Variants in CDH16 observed in about 807,000 individuals in gnomAD.
The protein encoded by CDH16 is cadherin-16.
CDH16 carries 79 observed loss-of-function variants against 87.6 expected under a neutral mutation model. That is an observed-to-expected ratio of 0.90 (90% CI 0.75 to 1.09). The LOEUF (loss-of-function observed/expected upper bound fraction) is 1.09. CDH16 is among the 50% of genes least tolerant of loss of function. The pLI, the probability that CDH16 is intolerant of heterozygous loss-of-function variation, is 0.00. For synonymous variants in CDH16, 457 were observed against 439.5 expected, an observed-to-expected ratio of 1.04 and a Z score of -0.50; for missense variants, 1,124 against 1,071.7, an observed-to-expected ratio of 1.05 and a Z score of -0.68.
rs1567535021 is a variant in CDH16, at chr16:66,914,366, CA to C, written c.629del (p.Leu210TrpfsTer25). ...DHALERTYQL[L>X]VQVKDMGDQA... Reference sequence around the variant, plus strand: ...GGTCACCCATGTCCTTGACCTGTACCAACAGCTGGTAGGTCCTCTCCAGGGC... The same window carrying C: ...GGTCACCCATGTCCTTGACCTGTACCACAGCTGGTAGGTCCTCTCCAGGGC... On this transcript the variant is annotated frameshift_variant, in exon 7 of 18. Transcript: ENST00000299752. LOFTEE classifies it high-confidence loss of function. 1 of 1,614,194 alleles carries C rather than the reference CA, an allele frequency of 6.2e-7. No homozygotes were observed. The highest frequency in any genetic ancestry group is 2.2e-5 in the East Asian group (1 of 44,892).
intron 3 of CDH16, among the ~76,000 whole-genome samples, chr16:66,917,387 G>T (rs1567537466): frequency 6.6e-6 from 1 of 152,024 alleles, no homozygotes; most frequent in East Asian, 1.9e-4. Context: ...CTAGATTTGG[G>T]TTCCATTCCC....
At chr16:66,910,609 C>T (rs768117907) in intron 14 of CDH16, 107 bp from the exon 15 acceptor site, 3 of 1,172,602 alleles carry the variant, frequency 2.6e-6, no homozygotes, top group African/African-American at 1.6e-5. Context: ...TATAGACTCC[C>T]CTGCCATGCT....
At chr16:66,917,413 T>G (rs1347899539) in intron 3 of CDH16, among the ~76,000 whole-genome samples, 1 of 152,110 alleles carries the variant, frequency 6.6e-6, no homozygotes, top group Non-Finnish European at 1.5e-5. Context: ...TATCTCATGA[T>G]ATATATGCAA....
intron 1 of CDH16, 147 bp from the exon 2 acceptor site, chr16:66,918,225 G>T: frequency 1.8e-6 from 1 of 552,358 alleles, no homozygotes; most frequent in Non-Finnish European, 3.1e-6. Flanking sequence ...CTGCAGGGTA[G>T]TGCCCTGCTC....
At chr16:66,917,809 C>T (rs1030656148) in intron 2 of CDH16, 84 bp from the exon 3 acceptor site, 3 of 1,251,630 alleles carry the variant, frequency 2.4e-6, no homozygotes, top group Non-Finnish European at 3.4e-6. Flanking sequence ...AATTTCCGCC[C>T]CTTCCCAGGG....
chr16:66,915,157 CA>C, intron 6 of CDH16, 62 bp downstream of exon 6: 1 of 1,475,982 alleles, frequency 6.8e-7, no homozygotes, highest in Non-Finnish European at 9.1e-7. Flanking sequence ...TCTTATGGTT[CA>C]GATACCACCT....
rs199669162 is a variant in CDH16, at chr16:66,911,885, G to A, written c.1790+14C>T. The A allele has an allele frequency of 1.6e-5, 25 of 1,576,056 alleles. No homozygotes were observed. The highest frequency in any genetic ancestry group is 1.9e-5 in the Non-Finnish European group (22 of 1,156,930). ...GCAATCCAGTCCAGGTAAGGGGCTGGGATTTTAGCTCACCTGAGGGTTCGG... is the reference window on the plus strand; with the variant it reads ...GCAATCCAGTCCAGGTAAGGGGCTGAGATTTTAGCTCACCTGAGGGTTCGG... On this transcript the variant is annotated intron_variant, in intron 13 of 17. Coordinates refer to ENST00000299752, the MANE Select transcript of CDH16 (RefSeq NM_004062.4).
Position 66,916,434 on chromosome 16 carries a change from T to C in CDH16, c.130-5A>G. 3 of 1,593,632 alleles carry C rather than the reference T, an allele frequency of 1.9e-6. No individual in the cohort carries two copies. Among genetic ancestry groups the C allele is most frequent in the South Asian group, 2.3e-5 (2 of 88,612 alleles). On this transcript the variant is annotated splice_polypyrimidine_tract_variant and splice_region_variant and intron_variant, in intron 3 of 17. Coordinates refer to ENST00000299752, the MANE Select transcript of CDH16 (RefSeq NM_004062.4). This position sits in a 1 kb window ranked among gnomAD's most constrained non-coding sequence, Gnocchi z 4.1. Reference sequence around the variant, plus strand: ...CCCCTCACGGGGCAGCGGCAACTGATGGAAATGAACAGAAGTGAAGGGAGC... The same window carrying C: ...CCCCTCACGGGGCAGCGGCAACTGACGGAAATGAACAGAAGTGAAGGGAGC...
intron 7 of CDH16, 123 bp from the exon 8 acceptor site, chr16:66,913,736 G>C (rs1962547797): frequency 7.6e-7 from 1 of 1,309,970 alleles, no homozygotes; most frequent in Non-Finnish European, 1.0e-6. Flanking sequence ...TGCCCTCCCT[G>C]GGCCTGGAGT....
rs1231662358 is a variant in CDH16 at position 66,915,952 on chromosome 16, G to A, written c.424+113C>T. ...GAGAAAAGAAAAGAAAAAAGAAATG[G>A]GACAGAAATGGCTGCCCTGTCCTAT... On this transcript the variant is annotated intron_variant, in intron 5 of 17. Coordinates refer to ENST00000299752, the MANE Select transcript of CDH16 (RefSeq NM_004062.4). The A allele has an allele frequency of 3.4e-6, 4 of 1,161,714 alleles. No homozygotes were observed. The African/African-American group carries it at 4.7e-5, about 14-fold the overall frequency. The allele number at this position is 1,161,714 out of a possible 1,614,324, so 72.0% of individuals were successfully genotyped here.
rs374053907 is a variant in CDH16 at position 66,912,638 on chromosome 16, C to T, written c.1282+26G>A. The stretch of plus-strand genomic sequence containing the variant: ...GGGTAGGAACAGAGGGGACAGGGGG[C>T]CTGGGTCACCAATCAGGGCACTTAC... On this transcript the variant is annotated intron_variant, in intron 10 of 17. Transcript: ENST00000299752. 199 of 1,613,876 alleles carry T rather than the reference C, an allele frequency of 1.2e-4. 1 individual carries two copies. In the African/African-American group the frequency reaches 2.4e-3, roughly 19 times the overall value.
chr16:66,911,505 G>A (rs1371128642), intron 13 of CDH16, among the ~76,000 whole-genome samples, 190 bp from the exon 14 acceptor site: 3 of 152,148 alleles, frequency 2.0e-5, no homozygotes, highest in Non-Finnish European at 1.5e-5. Flanking sequence ...GTGGGTGTGG[G>A]ATGAAGAACA....
At position 66,916,220 on chromosome 16, in the gene CDH16, G is replaced by A. The variant is rs957684905; in HGVS notation, c.286-17C>T. 3 of 1,614,130 alleles carry A rather than the reference G, an allele frequency of 1.9e-6. No homozygotes were observed. Among genetic ancestry groups the A allele is most frequent in the Non-Finnish European group, 2.5e-6 (3 of 1,180,034 alleles). ...CAGGGTGACCTGGCAGGGAAGGGGAGTCAGCGTCTGGCTCTGCCTTGCCTG... is the reference window on the plus strand; with the variant it reads ...CAGGGTGACCTGGCAGGGAAGGGGAATCAGCGTCTGGCTCTGCCTTGCCTG... On this transcript the variant is annotated splice_polypyrimidine_tract_variant and intron_variant, in intron 4 of 17. Transcript: ENST00000299752. This position sits in a 1 kb window ranked among gnomAD's most constrained non-coding sequence, Gnocchi z 4.1.
rs149565193 is a variant in CDH16 at position 66,912,063 on chromosome 16, G to A, written c.1626C>T (p.Gly542=). 69 of 1,613,956 alleles carry A rather than the reference G, an allele frequency of 4.3e-5. No individual in the cohort carries two copies. Among genetic ancestry groups the A allele is most frequent in the Admixed American group, 2.3e-4 (14 of 60,012 alleles). ...CCGTGGCGGTGGCTCCAGGGCCTGG[G>A]CCTGGCCCCACCAGCTTCGCCACAC... is the stretch of plus-strand genomic sequence containing the variant. ...VQSVAKLVGP[G]PGPGATATVT... is the part of the protein sequence containing the mutation. Residue 542 remains glycine (G), a synonymous_variant, in exon 13 of 18, where the codon GGC becomes GGT. Transcript: ENST00000299752.
At chr16:66,910,695 T>C in intron 14 of CDH16, 193 bp from the exon 15 acceptor site, 1 of 583,210 alleles carries the variant, frequency 1.7e-6, no homozygotes, top group Non-Finnish European at 2.7e-6. Context: ...AGCTCACTGC[T>C]GCTGGGTCTG....
chr16:66,910,193 T>A, intron 15 of CDH16, 67 bp downstream of exon 15: 1 of 1,555,756 alleles, frequency 6.4e-7, no homozygotes, highest in African/African-American at 1.4e-5. Context: ...TAGAAGGGTA[T>A]CTCACTTCCA....
chr16:66,914,050 G>A (rs1238973830), intron 7 of CDH16, among the ~76,000 whole-genome samples, 166 bp downstream of exon 7: 3 of 152,200 alleles, frequency 2.0e-5, no homozygotes, highest in Admixed American at 1.3e-4. Context: ...GTGGGCCTGC[G>A]TCCAGGGCCT....
rs966104801 is a variant in CDH16, at chr16:66,909,699, G to A, written c.2275+287C>T. Among the ~76,000 whole-genome samples the A allele has an allele frequency of 2.0e-5, 3 of 152,198 alleles. No homozygotes were observed. The highest frequency in any genetic ancestry group is 7.2e-5 in the African/African-American group (3 of 41,440). Reference sequence around the variant, plus strand: ...TAATCCCAGCTTCTTGGGAGGCTAAGGCAGAAGAATTGCTTGAATCTGGGA... The same window carrying A: ...TAATCCCAGCTTCTTGGGAGGCTAAAGCAGAAGAATTGCTTGAATCTGGGA... On this transcript the variant is annotated intron_variant, in intron 16 of 17. Transcript: ENST00000299752. This position sits in a 1 kb window ranked among gnomAD's most constrained non-coding sequence, Gnocchi z 4.1.
At position 66,916,340 on chromosome 16, in the gene CDH16, T is replaced by C. The variant is rs745832279; in HGVS notation, c.219A>G (p.Pro73=). 6.8e-6 allele frequency: 11 copies of C among 1,614,046 alleles called. No homozygotes were observed. The highest frequency in any genetic ancestry group is 5.0e-5 in the Admixed American group (3 of 60,004). ...TGGTCACCAGCAGGAAGCCAGAATC[T>C]GGATCCATAGCAAATGGGCCCTCAG... The part of the protein sequence containing the change: ...KATEGPFAMD[P]DSGFLLVTRA... Residue 73 remains proline, a synonymous_variant, in exon 4 of 18, where the codon CCA becomes CCG. Transcript: ENST00000299752. The surrounding 1 kb of genome is among the most constrained non-coding windows in gnomAD (Gnocchi z 4.1).
Sources: allele counts gnomAD v4.1 joint callset (sites outside exome capture counted in the v4.1 genomes callset), GRCh38; gene constraint gnomAD v4.1.1; non-coding constraint Gnocchi (gnomAD v3.1); transcripts MANE v1.5; gene names NCBI Gene and HGNC (gene_info 2026-07-23, HGNC 2026-07-21).